MOG: variants seen among roughly 807,000 people sequenced by gnomAD.
MOG encodes myelin-oligodendrocyte glycoprotein.
MOG carries 20 observed loss-of-function variants against 35.9 expected under a neutral mutation model. That is an observed-to-expected ratio of 0.56 (90% confidence interval 0.39 to 0.81). The LOEUF is 0.81. MOG is among the 30% of genes least tolerant of loss of function. The pLI is 0.00. For missense variants in MOG, 251 were observed against 301.0 expected, an observed-to-expected ratio of 0.83 and a Z score of 1.23; for synonymous variants, 92 against 114.3, an observed-to-expected ratio of 0.80 and a Z score of 1.25.
chr6:29,671,577 A>G lies in MOG; in HGVS notation c.*392A>G. On this transcript the variant is annotated 3_prime_UTR_variant, in exon 8 of 8. Transcript: ENST00000376917. ...AAATTACAGTATGGTAACTTTGCAA[A>G]TGGTGGTTGTTTCTTCCAAGACTCC... The G allele has an allele frequency of 1.3e-6, 1 of 783,784 alleles. No homozygotes were observed. The highest frequency in any genetic ancestry group is 2.4e-5 in the East Asian group (1 of 40,918). The allele number at this position is 783,784 out of a possible 1,614,324, so 48.6% of individuals were successfully genotyped here.
intron 2 of MOG, among the ~76,000 whole-genome samples, chr6:29,664,418 G>A (rs1562193129): frequency 1.3e-5 from 2 of 151,976 alleles, no homozygotes; most frequent in Non-Finnish European, 2.9e-5. Context: ...TGTTGGCCAA[G>A]CCGGTCTCGA....
At chr6:29,659,991 G>A (rs1768153842) in intron 2 of MOG, 1 of 422,782 alleles carries the variant, frequency 2.4e-6, no homozygotes, top group South Asian at 2.3e-5. Flanking sequence ...CTTCTATAAG[G>A]TATTATTGAG....
At chr6:29,657,390 C>A (rs2535272) in intron 1 of MOG, 93 bp downstream of exon 1, 1 of 962,480 alleles carries the variant, frequency 1.0e-6, no homozygotes, top group Non-Finnish European at 1.6e-6. Flanking sequence ...CCTCAAGTTG[C>A]TATATTATCT....
chr6:29,666,374 C>T, intron 3 of MOG, 109 bp downstream of exon 3: 2 of 701,246 alleles, frequency 2.9e-6, no homozygotes, highest in South Asian at 1.6e-5. Context: ...TTCAGAAGTT[C>T]TTCTCACTAT....
rs9280631 is a variant in MOG at position 29,662,483 on chromosome 6, CAA to C, written c.436+2828_436+2829del. 1.4e-5 allele frequency among the ~76,000 whole-genome samples: 2 copies of C among 140,068 alleles called. No homozygotes were observed. Among genetic ancestry groups the C allele is most frequent in the Admixed American group, 7.1e-5 (1 of 14,036 alleles). 91.9% of individuals were successfully genotyped at this position (140,068 alleles called of 152,430 possible). ...GGGCAACAAGAGCAAAACTCTGTCT[CAA>C]AAAAAAAAAACCACATACAAACCAG... is the stretch of plus-strand genomic sequence containing the variant. On this transcript the variant is annotated intron_variant, in intron 2 of 7. Coordinates refer to ENST00000376917, the MANE Select transcript of MOG (RefSeq NM_206809.4). This position sits in a 1 kb window ranked among gnomAD's most constrained non-coding sequence, Gnocchi z 4.2.
At position 29,664,039 on chromosome 6, in the gene MOG, G is replaced by A. The variant is rs556640613; in HGVS notation, c.437-2113G>A. 1.7e-5 allele frequency: 5 copies of A among 293,506 alleles called. No individual in the cohort carries two copies. In the East Asian group the frequency reaches 8.8e-4, roughly 52 times the overall value. 18.2% of individuals were successfully genotyped at this position (293,506 alleles called of 1,614,324 possible). A position where few individuals can be genotyped will look rare whatever the true frequency, so the allele number is the denominator to read the frequency against. On this transcript the variant is annotated intron_variant, in intron 2 of 7. Coordinates refer to ENST00000376917, the MANE Select transcript of MOG (RefSeq NM_206809.4). ...CATGGCACATGGAGATTAGAGTGGG[G>A]CTTTTGGATGCTGAGGAGCAGACCT...
At chr6:29,659,191 C>T in intron 1 of MOG, 128 bp from the exon 2 acceptor site, 1 of 794,960 alleles carries the variant, frequency 1.3e-6, no homozygotes, top group Non-Finnish European at 2.2e-6. Context: ...TCCTCCCTGG[C>T]TCTAGAATGT....
At chr6:29,663,866 TA>T in intron 2 of MOG, 1 of 793,488 alleles carries the variant, frequency 1.3e-6, no homozygotes, top group Non-Finnish European at 1.5e-6. Context: ...AGCCTTAGTC[TA>T]CAGCTTGAAG....
intron 2 of MOG, chr6:29,661,245 C>A: frequency 2.9e-6 from 1 of 345,396 alleles, no homozygotes; most frequent in Non-Finnish European, 4.1e-6. Context: ...ACTATTGTAT[C>A]TTGGAGGTGG....
At chr6:29,665,897 G>A (rs2535251) in intron 2 of MOG, among the ~76,000 whole-genome samples, 8,061 of 152,000 alleles carry the variant, frequency 0.053, 430 homozygotes, top group African/African-American at 0.14. Context: ...TTAGCTGCTC[G>A]TTAAAACTCC....
At chr6:29,664,609 T>C in intron 2 of MOG, 5 of 401,950 alleles carry the variant, frequency 1.2e-5, no homozygotes, top group African/African-American at 8.5e-5. Flanking sequence ...TCTCAGAATT[T>C]TTTTTTTTTT....
In MOG at chr6:29,659,446, C is replaced by G. The variant is rs267600938; in HGVS notation, c.216C>G (p.Pro72=). 6.2e-7 allele frequency: 1 copy of G among 1,613,030 alleles called. No individual in the cohort carries two copies. The change falls in exon 2 of 8, where the codon CCC becomes CCG. Residue 72 remains proline (P), a synonymous_variant. Transcript: ENST00000376917. ...TGGAGGTGGGGTGGTACCGCCCCCC[C>G]TTCTCTAGGGTGGTTCATCTCTACA... is the stretch of plus-strand genomic sequence containing the variant. ...TGMEVGWYRP[P]FSRVVHLYRN... is the part of the protein sequence containing the mutation.
chr6:29,657,415 C>T, intron 1 of MOG, 118 bp downstream of exon 1: 1 of 815,368 alleles, frequency 1.2e-6, no homozygotes, highest in South Asian at 1.5e-5. Context: ...AAAACATAGA[C>T]CTACTGACAT....
rs1268385857 is a variant in MOG, at chr6:29,670,722, G to GT, written c.730+2dup. On this transcript the variant is annotated splice_donor_variant, in intron 7 of 7. Coordinates refer to ENST00000376917, the MANE Select transcript of MOG (RefSeq NM_206809.4). LOFTEE classifies it high-confidence loss of function. The surrounding 1 kb of genome is among the most constrained non-coding windows in gnomAD (Gnocchi z 4.2). ...TCAGGGCAATTCCTTGAAGAGCTAC[G>GT]TAAGTTCTCTTCTCTCTGTTATAAG... 6.2e-7 allele frequency: 1 copy of GT among 1,612,090 alleles called. No homozygotes were observed. Among genetic ancestry groups the GT allele is most frequent in the Non-Finnish European group, 8.5e-7 (1 of 1,179,552 alleles).
intron 2 of MOG, chr6:29,664,706 G>A (rs1463834644): frequency 2.3e-6 from 1 of 443,840 alleles, no homozygotes; most frequent in Admixed American, 2.4e-5. Flanking sequence ...CCAGGCTCAA[G>A]TGATCCTCCT....
At chr6:29,657,663 C>CTTTTTTTTTTTTTTTTTT (rs9278226) in intron 1 of MOG, among the ~76,000 whole-genome samples, 1 of 110,046 alleles carries the variant, frequency 9.1e-6, no homozygotes. Flanking sequence ...TTTTTCTTTT[C>CTTTTTTTTTTTTTTTTTT]TTTTTTTTTT....
intron 3 of MOG, 85 bp from the exon 4 acceptor site, chr6:29,667,558 A>T: frequency 7.1e-7 from 1 of 1,401,892 alleles, no homozygotes; most frequent in Non-Finnish European, 1.0e-6. Flanking sequence ...TAGCCTGCAC[A>T]AGGGGCCCAG....
chr6:29,668,519 A>G (rs982886491), intron 5 of MOG, among the ~76,000 whole-genome samples: 13 of 152,240 alleles, frequency 8.5e-5, no homozygotes, highest in Admixed American at 5.9e-4. Context: ...AATGTTGCAG[A>G]CACTAGAAGG....
intron 3 of MOG, 48 bp from the exon 4 acceptor site, chr6:29,667,595 G>C: frequency 1.9e-6 from 3 of 1,612,038 alleles, no homozygotes; most frequent in Non-Finnish European, 2.5e-6. Flanking sequence ...GGTCCCCACC[G>C]AGAGCCAGAA....
Sources: allele counts gnomAD v4.1 joint callset (sites outside exome capture counted in the v4.1 genomes callset), GRCh38; gene constraint gnomAD v4.1.1; non-coding constraint Gnocchi (gnomAD v3.1); transcripts MANE v1.5; gene names NCBI Gene and HGNC (gene_info 2026-07-23, HGNC 2026-07-21).